EPB42: variants seen among roughly 807,000 people sequenced by gnomAD.
The protein encoded by EPB42 is protein 4.2.
EPB42 carries 49 observed loss-of-function variants against 76.9 expected under a neutral mutation model. The observed-to-expected ratio is 0.64, with a 90% CI of 0.51 to 0.81. EPB42 has a LOEUF of 0.81. Ranked by LOEUF, EPB42 falls within the 30% of genes least tolerant of loss-of-function variation. The pLI, the probability that EPB42 is intolerant of heterozygous loss-of-function variation, is 0.00. For missense variants in EPB42, 731 were observed against 867.6 expected, an observed-to-expected ratio of 0.84 and a Z score of 1.98; for synonymous variants, 310 against 338.4, an observed-to-expected ratio of 0.92 and a Z score of 0.92.
intron 1 of EPB42, among the ~76,000 whole-genome samples, chr15:43,219,903 G>A (rs1040330425): frequency 2.7e-5 from 4 of 150,204 alleles, no homozygotes; most frequent in Admixed American, 6.7e-5. Flanking sequence ...CCGAGATTGC[G>A]CCACTGAACT....
chr15:43,197,530 C>A, intron 12 of EPB42, 66 bp from the exon 13 acceptor site: 1 of 1,587,704 alleles, frequency 6.3e-7, no homozygotes, highest in Non-Finnish European at 8.6e-7. Context: ...GTCCCAGTGA[C>A]TTTGATCCTT....
At chr15:43,211,393 C>T (rs376640169) in intron 4 of EPB42, 23 bp downstream of exon 4, 3 of 1,424,596 alleles carry the variant, frequency 2.1e-6, no homozygotes. Flanking sequence ...TCTACACACT[C>T]CTCCCCTAGA....
upstream of EPB42, among the ~76,000 whole-genome samples, chr15:43,222,032 A>G (rs1408186211): frequency 6.6e-6 from 1 of 151,654 alleles, no homozygotes; most frequent in Admixed American, 6.6e-5. Context: ...ACTCCCAGCT[A>G]CTCAGGAGGC....
intron 12 of EPB42, 121 bp from the exon 13 acceptor site, chr15:43,197,585 C>T: frequency 8.8e-7 from 1 of 1,130,964 alleles, no homozygotes. Context: ...CATCTAAGTA[C>T]CTTGCTATTA....
At position 43,204,261 on chromosome 15, in the gene EPB42, T is replaced by C. The variant is rs550067966; in HGVS notation, c.1619-986A>G. The stretch of plus-strand genomic sequence containing the variant: ...CACCTCGTGCCCTTTCTGCTGACCT[T>C]GCTGGGTGCCCCCTTTCTTTGACTA... On this transcript the variant is annotated intron_variant, in intron 10 of 12. Transcript: ENST00000441366. Among the ~76,000 whole-genome samples the C allele has an allele frequency of 3.9e-5, 6 of 152,312 alleles. 1 individual carries two copies. The South Asian group carries it at 1.2e-3, about 32-fold the overall frequency.
At chr15:43,220,657 C>CT in intron 1 of EPB42, 159 bp downstream of exon 1, 1 of 1,079,068 alleles carries the variant, frequency 9.3e-7, no homozygotes, top group South Asian at 1.3e-5. Flanking sequence ...ACACCCCCCC[C>CT]CCACAGCCAC....
intron 10 of EPB42, among the ~76,000 whole-genome samples, chr15:43,205,257 G>T (rs959282575): frequency 2.0e-5 from 3 of 152,164 alleles, no homozygotes; most frequent in South Asian, 2.1e-4. Context: ...AGGGAAGAGT[G>T]ATACAGAGAC....
At chr15:43,214,765 G>A (rs2042352742) in intron 3 of EPB42, among the ~76,000 whole-genome samples, 2 of 152,108 alleles carry the variant, frequency 1.3e-5, no homozygotes, top group Admixed American at 1.3e-4. Flanking sequence ...CTGTTATAAT[G>A]AAGGGCAGCT....
At chr15:43,213,209 G>A (rs1230658503) in intron 3 of EPB42, among the ~76,000 whole-genome samples, 3 of 152,176 alleles carry the variant, frequency 2.0e-5, no homozygotes, top group Non-Finnish European at 4.4e-5. Flanking sequence ...GCTTATGAGA[G>A]CATGGGCAGT....
chr15:43,210,341 A>C lies in EPB42; in HGVS notation c.648T>G (p.Gly216=). 6.2e-7 allele frequency: 1 copy of C among 1,613,240 alleles called. No individual in the cohort carries two copies. Among genetic ancestry groups the C allele is most frequent in the Non-Finnish European group, 8.5e-7 (1 of 1,179,860 alleles). The change falls in exon 5 of 13, where the codon GGT becomes GGG. Residue 216 remains glycine (G), a synonymous_variant. Coordinates refer to ENST00000441366, the MANE Select transcript of EPB42 (RefSeq NM_001114134.2). The stretch of plus-strand genomic sequence containing the variant: ...TCCCCAGCCTCTCGCTTACCAAGGC[A>C]CCCAACACACGGGCCACGTGCACCG... ...SQPVHVARVL[G]ALLHFLKEQR... is the part of the protein sequence containing the mutation.
intron 12 of EPB42, among the ~76,000 whole-genome samples, chr15:43,200,460 C>T (rs2142259179): frequency 6.6e-6 from 1 of 152,256 alleles, no homozygotes; most frequent in Admixed American, 6.5e-5. Flanking sequence ...CTGGACTATA[C>T]AGGAAACTTC....
At chr15:43,198,900 A>G (rs922539155) in intron 12 of EPB42, among the ~76,000 whole-genome samples, 2 of 152,226 alleles carry the variant, frequency 1.3e-5, no homozygotes, top group Non-Finnish European at 2.9e-5. Context: ...GTGGCTTCAG[A>G]GGGTGGAAGC....
At chr15:43,223,178 G>A (rs540773149), upstream of EPB42, among the ~76,000 whole-genome samples, 14 of 152,186 alleles carry the variant, frequency 9.2e-5, no homozygotes, top group Non-Finnish European at 1.3e-4. Flanking sequence ...TTAGCTGAGC[G>A]TGGTGGCATG....
intron 5 of EPB42, 156 bp from the exon 6 acceptor site, chr15:43,209,607 G>T: frequency 2.4e-6 from 2 of 816,478 alleles, no homozygotes; most frequent in Admixed American, 2.8e-5. Context: ...ATGCTTCTGG[G>T]CTCCATCCTA....
chr15:43,197,565 C>T, intron 12 of EPB42, 101 bp from the exon 13 acceptor site: 1 of 1,304,102 alleles, frequency 7.7e-7, no homozygotes, highest in Non-Finnish European at 1.1e-6. Context: ...GTGGACCATG[C>T]AGAAATAAAC....
chr15:43,215,380 A>C, intron 2 of EPB42, 52 bp from the exon 3 acceptor site: 2 of 1,572,706 alleles, frequency 1.3e-6, no homozygotes, highest in Non-Finnish European at 1.8e-6. Context: ...GTCACAACTC[A>C]GAGTAATAAG....
chr15:43,208,296 G>C lies in EPB42; in HGVS notation c.1009C>G (p.Pro337Ala), dbSNP rs1194036812. The change falls in exon 8 of 13, where the codon CCT becomes GCT. Residue 337 changes from proline (P) to alanine (A), a missense_variant. By Grantham distance (27) the Pro-to-Ala change is conservative. Transcript: ENST00000441366. Reference sequence around the variant, plus strand: ...CCATCATAACCCTGGGGCAAGGCAGGCCGCGTCATCCAGCACTCTGTGGAA... The same window carrying C: ...CCATCATAACCCTGGGGCAAGGCAGCCCGCGTCATCCAGCACTCTGTGGAA... ...QTSTECWMTR[P>A]ALPQGYDGWQ... 1.2e-6 allele frequency: 2 copies of C among 1,614,016 alleles called. No homozygotes were observed. The highest frequency in any genetic ancestry group is 1.7e-6 in the Non-Finnish European group (2 of 1,179,994).
At chr15:43,206,000 A>T in intron 10 of EPB42, 1 of 262,164 alleles carries the variant, frequency 3.8e-6, no homozygotes, top group Non-Finnish European at 7.3e-6. Flanking sequence ...GATTCCATGC[A>T]GTACAATTTA....
At chr15:43,225,064 G>A (rs1187586992), upstream of EPB42, among the ~76,000 whole-genome samples, 1 of 152,248 alleles carries the variant, frequency 6.6e-6, no homozygotes, top group Non-Finnish European at 1.5e-5. Context: ...ATGAGCCACC[G>A]CGCCCAGTCC....
Sources: gnomAD v4.1 joint callset for allele counts (sites outside exome capture counted in the v4.1 genomes callset) on GRCh38, gnomAD v4.1.1 for gene constraint, MANE v1.5 for transcripts, NCBI Gene and HGNC (gene_info 2026-07-23, HGNC 2026-07-21) for gene names.